Variants in SF3B2 observed in about 807,000 individuals in gnomAD.
SF3B2 encodes splicing factor 3b subunit 2.
SF3B2 carries 22 observed loss-of-function variants against 116.3 expected under a neutral mutation model. The ratio of observed to expected loss-of-function variants is 0.19; its 90% CI spans 0.14 to 0.27. The LOEUF is 0.27. Among genes scored for constraint, SF3B2 ranks in the 10% least tolerant of loss-of-function variants. The pLI is 1.00. For missense variants in SF3B2, 767 were observed against 1,151.4 expected, an observed-to-expected ratio of 0.67 and a Z score of 4.83; for synonymous variants, 406 against 421.6, an observed-to-expected ratio of 0.96 and a Z score of 0.45.
chr11:66,059,902 C>T lies in SF3B2; in HGVS notation c.1522C>T (p.Arg508Cys), dbSNP rs1470215114. ...VPVPRHWCFKRKYLQGKRGIE... is the reference protein window; with the variant it reads ...VPVPRHWCFKCKYLQGKRGIE... Reference sequence around the variant, plus strand: ...TGTGCCACGCCACTGGTGTTTTAAGCGCAAATACCTGCAGGGCAAACGGGG... The same window carrying T: ...TGTGCCACGCCACTGGTGTTTTAAGTGCAAATACCTGCAGGGCAAACGGGG... Residue 508 changes from arginine (R) to cysteine (C), a missense_variant, in exon 13 of 22, where the codon CGC (arginine) becomes TGC (cysteine). This residue lies in a region of SF3B2 where 282 missense variants were observed against 568.0 expected (regional missense o/e 0.50). Coordinates refer to ENST00000322535, the MANE Select transcript of SF3B2 (RefSeq NM_006842.3). The surrounding 1 kb of genome is among the most constrained non-coding windows in gnomAD (Gnocchi z 5.0). The T allele has an allele frequency of 4.3e-6, 7 of 1,614,204 alleles. No homozygotes were observed. The highest frequency in any genetic ancestry group is 1.3e-5 in the African/African-American group (1 of 75,044).
At chr11:66,063,315 T>A in intron 17 of SF3B2, 85 bp from the exon 18 acceptor site, 1 of 1,355,178 alleles carries the variant, frequency 7.4e-7, no homozygotes. Context: ...GTGTTTTGAC[T>A]CTTACACCCC....
chr11:66,063,612 G>T lies in SF3B2; in HGVS notation c.2229-16G>T. 1 of 1,611,146 alleles carries T rather than the reference G, an allele frequency of 6.2e-7. No individual in the cohort carries two copies. The highest frequency in any genetic ancestry group is 1.1e-5 in the South Asian group (1 of 90,738). ...GGTCCTTCTCTTTACTCCAGAGCTT[G>T]TTCCTCTCTTTACAGTGGCCTTATC... On this transcript the variant is annotated splice_polypyrimidine_tract_variant and intron_variant, in intron 18 of 21. Transcript: ENST00000322535.
chr11:66,055,816 G>T, intron 5 of SF3B2: 1 of 513,074 alleles, frequency 1.9e-6, no homozygotes, highest in Middle Eastern at 4.8e-4. Flanking sequence ...AATTTTTTAA[G>T]GGTTATAAGA....
intron 3 of SF3B2, chr11:66,053,826 C>G (rs915514681): frequency 2.6e-5 from 4 of 152,362 alleles, no homozygotes; most frequent in African/African-American, 7.3e-5. Context: ...TGTAACAAAC[C>G]TGCGCATACT....
intron 1 of SF3B2, 49 bp from the exon 2 acceptor site, chr11:66,052,624 G>C (rs1406969915): frequency 1.9e-6 from 3 of 1,595,216 alleles, no homozygotes; most frequent in Non-Finnish European, 2.6e-6. Flanking sequence ...GCTGGGGCCT[G>C]ACCTGGCCGG....
intron 19 of SF3B2, chr11:66,067,067 T>G (rs1010017136): frequency 2.3e-5 from 5 of 218,498 alleles, no homozygotes; most frequent in African/African-American, 9.3e-5. Context: ...TTGCCCCATG[T>G]GTAGTGTCTT....
At chr11:66,062,425 C>T (rs1857114165) in intron 16 of SF3B2, among the ~76,000 whole-genome samples, 1 of 150,928 alleles carries the variant, frequency 6.6e-6, no homozygotes, top group African/African-American at 2.4e-5. Flanking sequence ...TCCCTTGGGG[C>T]CAGGGGTTTA....
chr11:66,067,527 T>TG (rs1857209061), intron 19 of SF3B2: 2 of 456,772 alleles, frequency 4.4e-6, no homozygotes. Context: ...GGATGGCTCT[T>TG]GCGTTGGAAG....
chr11:66,059,973 A>G lies in SF3B2; in HGVS notation c.1593A>G (p.Thr531=), dbSNP rs1227683785. 11 of 1,614,042 alleles carry G rather than the reference A, an allele frequency of 6.8e-6. No individual in the cohort carries two copies. Among genetic ancestry groups the G allele is most frequent in the Non-Finnish European group, 8.5e-6 (10 of 1,180,036 alleles). The change falls in exon 13 of 22, where the codon ACA becomes ACG. Residue 531 remains threonine, a synonymous_variant. Transcript: ENST00000322535. The surrounding 1 kb of genome is among the most constrained non-coding windows in gnomAD (Gnocchi z 5.0). The part of the protein sequence containing the change: ...PFELPDFIKR[T]GIQEMREALQ... The stretch of plus-strand genomic sequence containing the variant: ...AGCTGCCAGACTTCATCAAACGCAC[A>G]GGCATCCAGGAGATGCGAGAGGCCC...
Position 66,068,938 on chromosome 11 carries a change from C to T in SF3B2, c.*193C>T. 3.6e-6 allele frequency: 2 copies of T among 561,854 alleles called. No homozygotes were observed. Among genetic ancestry groups the T allele is most frequent in the South Asian group, 4.4e-5 (2 of 45,464 alleles). 34.8% of individuals were successfully genotyped at this position (561,854 alleles called of 1,614,324 possible). On this transcript the variant is annotated 3_prime_UTR_variant, in exon 22 of 22. Coordinates refer to ENST00000322535, the MANE Select transcript of SF3B2 (RefSeq NM_006842.3). Reference sequence around the variant, plus strand: ...CTGAGCCTCCCTCATCTCCTTTTAGCCCCTTCTTGCAAAAGGACTAAAATA... The same window carrying T: ...CTGAGCCTCCCTCATCTCCTTTTAGTCCCTTCTTGCAAAAGGACTAAAATA...
At chr11:66,062,100 T>G in intron 16 of SF3B2, 102 bp downstream of exon 16, 1 of 781,908 alleles carries the variant, frequency 1.3e-6, no homozygotes, top group Non-Finnish European at 2.1e-6. Flanking sequence ...TCTCTTTATT[T>G]ACTTAAAAAA....
At chr11:66,066,484 A>G (rs1290353932) in intron 19 of SF3B2, 1 of 152,092 alleles carries the variant, frequency 6.6e-6, no homozygotes, top group African/African-American at 2.4e-5. Context: ...GCTTTGTGAA[A>G]TTTACCTTGT....
At position 66,068,886 on chromosome 11, in the gene SF3B2, A is replaced by T; in HGVS notation, c.*141A>T. The T allele has an allele frequency of 2.9e-6, 2 of 682,128 alleles. No homozygotes were observed. The highest frequency in any genetic ancestry group is 5.4e-5 in the East Asian group (2 of 37,008). The allele number at this position is 682,128 out of a possible 1,614,324, so 42.3% of individuals were successfully genotyped here. On this transcript the variant is annotated 3_prime_UTR_variant, in exon 22 of 22. Transcript: ENST00000322535. ...TGTTTTGTAAATAAAGCTGTTTCCC[A>T]AGGAAAGAGATGAATATTTAACACT...
In SF3B2 at chr11:66,059,352, C is replaced by T. The variant is rs73506531; in HGVS notation, c.1320+14C>T. 7 of 1,613,598 alleles carry T rather than the reference C, an allele frequency of 4.3e-6. No individual in the cohort carries two copies. The African/African-American group carries it at 8.0e-5, about 18-fold the overall frequency. ...GATGACGAGCAGGTCAGGCCCAGCCCTCCTGGTGGGAAGCAGGGACTCTGG... is the reference window on the plus strand; with the variant it reads ...GATGACGAGCAGGTCAGGCCCAGCCTTCCTGGTGGGAAGCAGGGACTCTGG... On this transcript the variant is annotated intron_variant, in intron 11 of 21. Transcript: ENST00000322535. This position sits in a 1 kb window ranked among gnomAD's most constrained non-coding sequence, Gnocchi z 5.0.
intron 1 of SF3B2, 65 bp downstream of exon 1, chr11:66,052,582 G>C: frequency 6.3e-7 from 1 of 1,592,412 alleles, no homozygotes; most frequent in Non-Finnish European, 8.6e-7. Flanking sequence ...TGGTTACCCG[G>C]GAGACTCGGG....
At chr11:66,063,773 C>A in intron 19 of SF3B2, 44 bp downstream of exon 19, 1 of 1,472,068 alleles carries the variant, frequency 6.8e-7, no homozygotes, top group Non-Finnish European at 9.2e-7. Context: ...CCTTCACTTC[C>A]CTTTGGCTGG....
chr11:66,069,112 C>T lies in SF3B2; in HGVS notation c.*367C>T, dbSNP rs576390053. The T allele has an allele frequency of 4.1e-5, 15 of 364,052 alleles. No homozygotes were observed. The Admixed American group carries it at 5.2e-4, about 13-fold the overall frequency. The allele number at this position is 364,052 out of a possible 1,614,324, so 22.6% of individuals were successfully genotyped here. On this transcript the variant is annotated 3_prime_UTR_variant, in exon 22 of 22. Coordinates refer to ENST00000322535, the MANE Select transcript of SF3B2 (RefSeq NM_006842.3). ...TTGTAGGAAGGCTTGGGGGAAGTAC[C>T]TCTAGGTCTGGTTTGACCTTACTAC...
At chr11:66,057,027 C>G in intron 6 of SF3B2, 72 bp downstream of exon 6, 1 of 1,167,990 alleles carries the variant, frequency 8.6e-7, no homozygotes, top group Non-Finnish European at 1.3e-6. Flanking sequence ...TTTAAGGTAT[C>G]TATCACATTT....
rs780449042 is a variant in SF3B2, at chr11:66,052,407, C to T, written c.23C>T (p.Pro8Leu). The T allele has an allele frequency of 5.3e-5, 85 of 1,612,428 alleles. No individual in the cohort carries two copies. The highest frequency in any genetic ancestry group is 1.6e-4 in the African/African-American group (12 of 74,880). ...AAGATGGCGACGGAGCATCCCGAGC[C>T]TCCCAAAGCAGAATTGCAGCTGCCG... MATEHPE[P>L]PKAELQLPPP... Residue 8 changes from proline (P) to leucine (L), a missense_variant, in exon 1 of 22, where the codon CCT becomes CTT. By Grantham distance (98) the Pro-to-Leu change is moderately conservative. Coordinates refer to ENST00000322535, the MANE Select transcript of SF3B2 (RefSeq NM_006842.3).
Sources: gnomAD v4.1 joint callset for allele counts (sites outside exome capture counted in the v4.1 genomes callset) on GRCh38, gnomAD v4.1.1 for gene constraint, gnomAD v4.1.1 regional missense constraint, Gnocchi (gnomAD v3.1) non-coding constraint, MANE v1.5 for transcripts, NCBI Gene and HGNC (gene_info 2026-07-23, HGNC 2026-07-21) for gene names.